The following DECR1 variants were observed in gnomAD, a reference collection of about 807,000 sequenced individuals.
DECR1 encodes 2,4-dienoyl-CoA reductase [(3E)-enoyl-CoA-producing], mitochondrial.
DECR1 carries 44 observed loss-of-function variants against 38.8 expected under a neutral mutation model. That is an observed-to-expected ratio of 1.13 (90% CI 0.89 to 1.46). The LOEUF (loss-of-function observed/expected upper bound fraction) is 1.46. DECR1 is among the 40% of genes most tolerant of loss of function. The probability of loss-of-function intolerance (pLI) is 0.00; values close to 1 mark genes in which losing one functional copy is unlikely to be tolerated. For missense variants in DECR1, 428 were observed against 405.5 expected (o/e 1.06, Z -0.48); for synonymous variants, 148 against 135.2 (o/e 1.09, Z -0.66).
chr8:90,050,401 C>T (rs1057376410), intron 8 of DECR1, among the ~76,000 whole-genome samples: 3 of 152,178 alleles, frequency 2.0e-5, no homozygotes, highest in Non-Finnish European at 4.4e-5. Flanking sequence ...GATATTTATG[C>T]AGCCAACAGA....
At position 90,044,972 on chromosome 8, in the gene DECR1, T is replaced by A. The variant is rs1377701537; in HGVS notation, c.862T>A (p.Tyr288Asn). ...ANLAAFLCSD[Y>N]ASWINGAVIK... ...TCTTGCTGCTTTCCTTTGTAGTGATTATGCTTCTTGGATTAATGGAGCAGT... is the reference window on the plus strand; with the variant it reads ...TCTTGCTGCTTTCCTTTGTAGTGATAATGCTTCTTGGATTAATGGAGCAGT... Residue 288 changes from tyrosine to asparagine, a missense_variant, in exon 8 of 10, where the codon TAT becomes AAT. Physicochemically the swap from Tyr to Asn is moderately radical, Grantham distance 143. Transcript: ENST00000220764. 6.2e-7 allele frequency: 1 copy of A among 1,613,990 alleles called. No homozygotes were observed. Among genetic ancestry groups the A allele is most frequent in the Non-Finnish European group, 8.5e-7 (1 of 1,179,900 alleles).
In DECR1 at chr8:90,017,275, G is replaced by C; in HGVS notation, c.221G>C (p.Gly74Ala). 1 of 1,614,136 alleles carries C rather than the reference G, an allele frequency of 6.2e-7. No individual in the cohort carries two copies. Among genetic ancestry groups the C allele is most frequent in the Non-Finnish European group, 8.5e-7 (1 of 1,180,020 alleles). ...GGGGGAGGTACTGGCCTTGGTAAAG[G>C]AATGACAACTCTTCTGTCCAGCCTA... ...ITGGGTGLGKGMTTLLSSLGA... is the reference protein window; with the variant it reads ...ITGGGTGLGKAMTTLLSSLGA... Residue 74 changes from glycine (G) to alanine (A), a missense_variant, in exon 2 of 10, where the codon GGA (glycine) becomes GCA (alanine). Physicochemically the swap from Gly to Ala is moderately conservative, Grantham distance 60 (BLOSUM62 0). Coordinates refer to ENST00000220764, the MANE Select transcript of DECR1 (RefSeq NM_001359.2).
At chr8:90,001,883 A>C (rs1277711014) in intron 1 of DECR1, among the ~76,000 whole-genome samples, 1 of 148,342 alleles carries the variant, frequency 6.7e-6, no homozygotes, top group Non-Finnish European at 1.5e-5. Context: ...CTCGGGGCGC[A>C]AGAGAAAGGG....
chr8:90,020,583 G>A (rs1279496333), intron 4 of DECR1, among the ~76,000 whole-genome samples: 1 of 152,064 alleles, frequency 6.6e-6, no homozygotes, highest in Non-Finnish European at 1.5e-5. Context: ...TTGTAGAGAT[G>A]ACGTCTCGCT....
At chr8:90,028,689 C>T (rs1813416149) in intron 5 of DECR1, among the ~76,000 whole-genome samples, 1 of 151,778 alleles carries the variant, frequency 6.6e-6, no homozygotes. Context: ...TCCTTCTTTC[C>T]TTCCTCCCTC....
chr8:90,005,445 C>T (rs193053221), intron 1 of DECR1: 402 of 456,084 alleles, frequency 8.8e-4, no homozygotes, highest in Admixed American at 2.9e-3. Flanking sequence ...CCGTTTTTTC[C>T]AGTCTGAAAA....
intron 1 of DECR1, chr8:90,006,060 A>T: frequency 1.6e-6 from 1 of 626,360 alleles, no homozygotes; most frequent in Non-Finnish European, 2.9e-6. Context: ...TACGACATTC[A>T]TGATGGATCT....
intron 5 of DECR1, among the ~76,000 whole-genome samples, chr8:90,027,293 C>T (rs192122002): frequency 1.4e-3 from 209 of 152,094 alleles, no homozygotes; most frequent in African/African-American, 4.7e-3. Context: ...CTTTCCATCT[C>T]GTTGATCTGT....
At chr8:90,038,510 G>A (rs2130133761) in intron 6 of DECR1, among the ~76,000 whole-genome samples, 1 of 144,934 alleles carries the variant, frequency 6.9e-6, no homozygotes, top group Non-Finnish European at 1.5e-5. Context: ...CCAGGCTGGA[G>A]TGCAATGGTG....
At position 90,036,931 on chromosome 8, in the gene DECR1, C is replaced by T. The variant is rs761813641; in HGVS notation, c.656C>T (p.Ala219Val). 5.6e-6 allele frequency: 9 copies of T among 1,611,872 alleles called. No homozygotes were observed. The highest frequency in any genetic ancestry group is 2.7e-5 in the African/African-American group (2 of 74,964). Residue 219 changes from alanine to valine, a missense_variant, in exon 6 of 10, where the codon GCC becomes GTC. By Grantham distance (64) the Ala-to-Val change is moderately conservative. Transcript: ENST00000220764. Reference protein sequence around the residue: ...PSASAKAGVEAMSKSLAAEWG... With the variant: ...PSASAKAGVEVMSKSLAAEWG... ...GCTTCTGCCAAAGCAGGTGTGGAAG[C>T]CATGAGCAAGTAAGTACTTCCTTGT... is the stretch of plus-strand genomic sequence containing the variant.
chr8:90,049,376 A>G (rs1168343649), intron 8 of DECR1, among the ~76,000 whole-genome samples: 1 of 152,180 alleles, frequency 6.6e-6, no homozygotes, highest in Non-Finnish European at 1.5e-5. Context: ...CATTTTTTAC[A>G]CCAATAACAG....
At chr8:90,044,034 A>G (rs542785817) in intron 7 of DECR1, among the ~76,000 whole-genome samples, 3 of 152,354 alleles carry the variant, frequency 2.0e-5, no homozygotes, top group African/African-American at 7.2e-5. Context: ...CCACTGAGAT[A>G]GGAGTTGTAC....
intron 8 of DECR1, 55 bp downstream of exon 8, chr8:90,045,050 G>C (rs1340142965): frequency 6.3e-7 from 1 of 1,598,474 alleles, no homozygotes; most frequent in East Asian, 2.2e-5. Context: ...TTGGGGCAGG[G>C]AGGTCTGTTG....
At chr8:90,008,794 A>G (rs1812808313) in intron 1 of DECR1, among the ~76,000 whole-genome samples, 2 of 152,190 alleles carry the variant, frequency 1.3e-5, no homozygotes, top group South Asian at 4.1e-4. Context: ...AAGAAGAAAT[A>G]ATTGGACCAG....
chr8:90,031,903 T>TA (rs1052423159), intron 5 of DECR1, among the ~76,000 whole-genome samples: 2 of 151,686 alleles, frequency 1.3e-5, no homozygotes, highest in African/African-American at 2.4e-5. Flanking sequence ...AAACAAGGAT[T>TA]AAAAAAAAAT....
intron 8 of DECR1, among the ~76,000 whole-genome samples, chr8:90,049,460 CA>C (rs1369176492): frequency 3.3e-5 from 5 of 152,076 alleles, no homozygotes; most frequent in African/African-American, 7.2e-5. Flanking sequence ...CCTAGGAATC[CA>C]ACTTACAAGG....
chr8:90,041,925 C>T (rs567499815), intron 6 of DECR1, among the ~76,000 whole-genome samples: 2 of 151,938 alleles, frequency 1.3e-5, no homozygotes, highest in Non-Finnish European at 2.9e-5. Flanking sequence ...TTTTAAGCTA[C>T]CTCGTCATTA....
At chr8:90,027,425 G>C (rs1002340144) in intron 5 of DECR1, among the ~76,000 whole-genome samples, 1 of 152,008 alleles carries the variant, frequency 6.6e-6, no homozygotes, top group Admixed American at 6.6e-5. Context: ...GTGCATATAT[G>C]TTTAGGATAG....
At chr8:90,025,009 T>C (rs1813292961) in intron 5 of DECR1, among the ~76,000 whole-genome samples, 1 of 152,180 alleles carries the variant, frequency 6.6e-6, no homozygotes, top group Non-Finnish European at 1.5e-5. Context: ...TTTTGTCAGG[T>C]TTGTCAAAGA....
Sources: allele counts gnomAD v4.1 joint callset (sites outside exome capture counted in the v4.1 genomes callset), GRCh38; gene constraint gnomAD v4.1.1; transcripts MANE v1.5; gene names NCBI Gene and HGNC (gene_info 2026-07-23, HGNC 2026-07-21).